NHSL1: variants seen among roughly 807,000 people sequenced by gnomAD.
NHSL1 encodes NHS like 1.
NHSL1 carries 48 observed loss-of-function variants against 95.0 expected under a neutral mutation model. That is an observed-to-expected ratio of 0.51 (90% CI 0.40 to 0.64). NHSL1 has a LOEUF of 0.64. Ranked by LOEUF, NHSL1 falls within the 30% of genes least tolerant of loss-of-function variation. The probability of loss-of-function intolerance (pLI) is 0.00; values close to 1 mark genes in which losing one functional copy is unlikely to be tolerated. For synonymous variants in NHSL1, 783 were observed against 833.9 expected, an observed-to-expected ratio of 0.94 and a Z score of 1.05; for missense variants, 1,971 against 2,077.7, an observed-to-expected ratio of 0.95 and a Z score of 1.00.
upstream of NHSL1, among the ~76,000 whole-genome samples, chr6:138,548,237 G>A (rs1782878148): frequency 6.6e-6 from 1 of 152,110 alleles, no homozygotes; most frequent in Non-Finnish European, 1.5e-5. Context: ...ACCCACCTCA[G>A]CCTCCCAAAA....
In NHSL1 at chr6:138,554,610, GTAAA is replaced by G. The variant is rs569636075; in HGVS notation, c.202+17096_202+17099del. ...GATATTAAGAGCAAGGTACGCCAAG[GTAAA>G]TGTCCAGGCTTCTGGTAACTTCTGC... is the stretch of plus-strand genomic sequence containing the variant. On this transcript the variant is annotated intron_variant, in intron 1 of 6. Coordinates refer to the NHSL1 transcript ENST00000427025. Among the ~76,000 whole-genome samples the G allele has an allele frequency of 9.6e-3, 1,455 of 152,282 alleles. 10 individuals carry two copies. Among genetic ancestry groups the G allele is most frequent in the South Asian group, 0.025 (120 of 4,820 alleles).
In NHSL1 at chr6:138,477,883, T is replaced by C. The variant is rs868434089; in HGVS notation, c.212-4450A>G. 5.9e-5 allele frequency among the ~76,000 whole-genome samples: 9 copies of C among 152,004 alleles called. No individual in the cohort carries two copies. The South Asian group carries it at 6.2e-4, about 11-fold the overall frequency. The stretch of plus-strand genomic sequence containing the variant: ...GTGTTAGATTTTAAAAGACCAAATA[T>C]TGCAAAATCATCATCCACAAGTTAA... On this transcript the variant is annotated intron_variant, in intron 2 of 7. Transcript: ENST00000343505.
rs1350790840 is a variant in NHSL1, at chr6:138,642,245, TCTC to T, written c.96+50228_96+50230del. On this transcript the variant is annotated intron_variant, in intron 1 of 3. Transcript: ENST00000491526. ...AAAATTAAAATTTTTAATTTATATTTCTCCTCAAGTGTTAGATTAAAATGAGCA... is the reference window on the plus strand; with the variant it reads ...AAAATTAAAATTTTTAATTTATATTTCTCAAGTGTTAGATTAAAATGAGCA... Among the ~76,000 whole-genome samples, 4 of 152,272 alleles carry T rather than the reference TCTC, an allele frequency of 2.6e-5. No individual in the cohort carries two copies. In the East Asian group the frequency reaches 5.8e-4, roughly 22 times the overall value.
In NHSL1 at chr6:138,433,416, A is replaced by T. The variant is rs1476645496; in HGVS notation, c.929T>A (p.Ile310Asn). The T allele has an allele frequency of 6.4e-7, 1 of 1,552,308 alleles. No homozygotes were observed. Among genetic ancestry groups the T allele is most frequent in the Admixed American group, 2.0e-5 (1 of 51,012 alleles). The change falls in exon 6 of 8, where the codon ATC becomes AAC. Residue 310 changes from isoleucine (I) to asparagine (N), a missense_variant. This residue lies in a region of NHSL1 where 1,602 missense variants were observed against 1,654.5 expected (regional missense o/e 0.97). Coordinates refer to ENST00000343505, the MANE Select transcript of NHSL1 (RefSeq NM_001144060.2). ...ACTGTCAAGGCGGGAAGGGAATACG[A>T]TCCCTGCAGAATCGCTCAGCACAGA... is the stretch of plus-strand genomic sequence containing the variant. ...NMSVLSDSAG[I>N]VFPSRLDSDA...
At chr6:138,592,973 T>G (rs570942537) in intron 1 of NHSL1, among the ~76,000 whole-genome samples, 2 of 152,300 alleles carry the variant, frequency 1.3e-5, no homozygotes, top group East Asian at 3.9e-4. Context: ...CATTTTCTGT[T>G]ATGGACTTTC....
chr6:138,489,860 GA>G (rs1242664783), intron 2 of NHSL1, among the ~76,000 whole-genome samples: 6 of 80,096 alleles, frequency 7.5e-5, no homozygotes, highest in East Asian at 8.3e-4. Context: ...GAGGGAGAGA[GA>G]GAGAGAGAGA....
At chr6:138,455,881 G>A (rs1777579255) in intron 3 of NHSL1, among the ~76,000 whole-genome samples, 1 of 152,214 alleles carries the variant, frequency 6.6e-6, no homozygotes, top group African/African-American at 2.4e-5. Flanking sequence ...TATGTGGGTG[G>A]AACAAAAGAC....
rs1775629099 is a variant in NHSL1 at position 138,431,198 on chromosome 6, T to C, written c.3147A>G (p.Gly1049=). 1.0e-5 allele frequency: 16 copies of C among 1,543,058 alleles called. No homozygotes were observed. The highest frequency in any genetic ancestry group is 1.3e-5 in the Non-Finnish European group (15 of 1,141,498). The stretch of plus-strand genomic sequence containing the variant: ...CCTTGGTAGAAGGCGGCCTCAAGGA[T>C]CCCCGGGAGGATTCTGGCTGGCCAG... ...TNSGQPESSR[G]SLRPPSTKEE... The change falls in exon 6 of 8, where the codon GGA becomes GGG. Residue 1049 remains glycine, a synonymous_variant. Transcript: ENST00000343505. The surrounding 1 kb of genome is among the most constrained non-coding windows in gnomAD (Gnocchi z 4.0).
At chr6:138,536,602 CTTTTTTTTTT>C (rs563509738) in intron 1 of NHSL1, among the ~76,000 whole-genome samples, 86 of 80,042 alleles carry the variant, frequency 1.1e-3, no homozygotes, top group African/African-American at 2.8e-3. Context: ...CATATGTCAT[CTTTTTTTTTT>C]TTTTTTTTTT....
Position 138,424,452 on chromosome 6 carries a change from C to T in NHSL1, c.4450G>A (p.Gly1484Ser), listed in dbSNP as rs1006122617. The change falls in exon 8 of 8, where the codon GGC (glycine) becomes AGC (serine). Residue 1484 changes from glycine (G) to serine (S), a missense_variant. Physicochemically the swap from Gly to Ser is moderately conservative, Grantham distance 56. This residue lies in a region of NHSL1 where 223 missense variants were observed against 217.0 expected (regional missense o/e 1.03). Coordinates refer to ENST00000343505, the MANE Select transcript of NHSL1 (RefSeq NM_001144060.2). This position sits in a 1 kb window ranked among gnomAD's most constrained non-coding sequence, Gnocchi z 5.9. The part of the protein sequence containing the change: ...RAQEEWAKNE[G>S]LMPRSLSFSG... ...AAGGACAGACTCCGAGGCATCAAGC[C>T]TTCGTTCTTGGCCCACTCCTCCTGC... 6.4e-7 allele frequency: 1 copy of T among 1,550,930 alleles called. No homozygotes were observed. The highest frequency in any genetic ancestry group is 8.7e-7 in the Non-Finnish European group (1 of 1,146,438).
intron 1 of NHSL1, among the ~76,000 whole-genome samples, chr6:138,496,673 C>A (rs1242865541): frequency 6.6e-6 from 1 of 152,174 alleles, no homozygotes; most frequent in Non-Finnish European, 1.5e-5. Context: ...AAACATCTGA[C>A]AGAATTGATA....
intron 1 of NHSL1, among the ~76,000 whole-genome samples, chr6:138,657,833 A>AG (rs890422935): frequency 1.3e-5 from 2 of 148,168 alleles, no homozygotes; most frequent in South Asian, 2.1e-4. Flanking sequence ...AAAAAAAAAA[A>AG]AAAGAAAGAA....
Position 138,431,190 on chromosome 6 carries a change from C to T in NHSL1, c.3155G>A (p.Arg1052Lys). ...GGTCTCCTCCTTGGTAGAAGGCGGC[C>T]TCAAGGATCCCCGGGAGGATTCTGG... Reference protein sequence around the residue: ...GQPESSRGSLRPPSTKEETSR... With the variant: ...GQPESSRGSLKPPSTKEETSR... The change falls in exon 6 of 8, where the codon AGG (arginine) becomes AAG (lysine). Residue 1052 changes from arginine to lysine, a missense_variant. Transcript: ENST00000343505. This position sits in a 1 kb window ranked among gnomAD's most constrained non-coding sequence, Gnocchi z 4.0. 1.3e-6 allele frequency: 2 copies of T among 1,545,914 alleles called. No individual in the cohort carries two copies. The highest frequency in any genetic ancestry group is 1.7e-6 in the Non-Finnish European group (2 of 1,143,162).
chr6:138,541,101 C>T (rs1274943352), intron 1 of NHSL1, among the ~76,000 whole-genome samples: 8 of 152,198 alleles, frequency 5.3e-5, no homozygotes, highest in Admixed American at 5.2e-4. Context: ...GGCGTGGTGG[C>T]TCACGCCTGT....
intron 1 of NHSL1, among the ~76,000 whole-genome samples, chr6:138,526,537 T>C (rs1781913283): frequency 6.6e-6 from 1 of 152,196 alleles, no homozygotes; most frequent in Admixed American, 6.5e-5. Context: ...TCTTCCTTTT[T>C]ATATTGTACT....
chr6:138,468,157 C>T (rs987441428), intron 3 of NHSL1, among the ~76,000 whole-genome samples: 2 of 152,246 alleles, frequency 1.3e-5, no homozygotes, highest in Admixed American at 6.5e-5. Flanking sequence ...ACCACACTCA[C>T]TGACTCACCC....
At chr6:138,584,704 T>C (rs1050405302) in intron 1 of NHSL1, among the ~76,000 whole-genome samples, 2 of 152,226 alleles carry the variant, frequency 1.3e-5, no homozygotes, top group Admixed American at 1.3e-4. Context: ...AGACAACTTC[T>C]ATTACCATGA....
At chr6:138,604,106 A>G (rs951669044) in intron 1 of NHSL1, among the ~76,000 whole-genome samples, 1 of 152,218 alleles carries the variant, frequency 6.6e-6, no homozygotes, top group Non-Finnish European at 1.5e-5. Context: ...TGAGTTGACC[A>G]CCCAGAGCTA....
chr6:138,502,698 AC>A (rs1780751740), upstream of NHSL1, among the ~76,000 whole-genome samples: 3 of 152,182 alleles, frequency 2.0e-5, no homozygotes, highest in Admixed American at 2.0e-4. Context: ...CCCCTCTGGA[AC>A]CATCCTACCC....
Sources: gnomAD v4.1 joint callset for allele counts (sites outside exome capture counted in the v4.1 genomes callset) on GRCh38, gnomAD v4.1.1 for gene constraint, gnomAD v4.1.1 regional missense constraint, Gnocchi (gnomAD v3.1) non-coding constraint, MANE v1.5 for transcripts, NCBI Gene and HGNC (gene_info 2026-07-23, HGNC 2026-07-21) for gene names.